The following NLGN1 variants were observed in gnomAD, a reference collection of about 807,000 sequenced individuals.
NLGN1 encodes neuroligin-1.
A neutral mutation model predicts 65.5 loss-of-function variants in NLGN1; 12 were observed. That is an observed-to-expected ratio of 0.18 (90% CI 0.12 to 0.30). The LOEUF is 0.30. NLGN1 is among the 10% of genes least tolerant of loss of function. NLGN1 has a pLI of 1.00. For synonymous variants in NLGN1, 350 were observed against 359.5 expected, an observed-to-expected ratio of 0.97 and a Z score of 0.30; for missense variants, 750 against 1,007.1, an observed-to-expected ratio of 0.74 and a Z score of 3.46.
At chr3:173,729,200 C>T (rs1278800994) in intron 3 of NLGN1, among the ~76,000 whole-genome samples, 1 of 152,090 alleles carries the variant, frequency 6.6e-6, no homozygotes, top group East Asian at 1.9e-4. Flanking sequence ...AGTTATCTCT[C>T]AGTCATTCCA....
chr3:174,054,938 TC>T (rs1269983673), intron 4 of NLGN1, among the ~76,000 whole-genome samples: 1 of 151,986 alleles, frequency 6.6e-6, no homozygotes, highest in African/African-American at 2.4e-5. Flanking sequence ...TTTTGGTTTC[TC>T]CTTCCTGTAA....
At chr3:173,445,337 G>T (rs1461000274) in intron 2 of NLGN1, among the ~76,000 whole-genome samples, 1 of 151,058 alleles carries the variant, frequency 6.6e-6, no homozygotes, top group Non-Finnish European at 1.5e-5. Flanking sequence ...CCTGTCAGTT[G>T]GTGTCTTTTG....
At chr3:173,568,944 C>T (rs576213490) in intron 2 of NLGN1, among the ~76,000 whole-genome samples, 2 of 152,284 alleles carry the variant, frequency 1.3e-5, no homozygotes, top group Non-Finnish European at 2.9e-5. Flanking sequence ...TCCCAAAGTG[C>T]TGGGATATAG....
chr3:173,423,877 GC>G (rs1042614921), intron 1 of NLGN1, among the ~76,000 whole-genome samples: 1 of 152,190 alleles, frequency 6.6e-6, no homozygotes, highest in African/African-American at 2.4e-5. Context: ...TGGGACTCCA[GC>G]CCCACATTTC....
intron 4 of NLGN1, among the ~76,000 whole-genome samples, chr3:174,241,391 C>A (rs1474293116): frequency 2.0e-5 from 3 of 151,252 alleles, no homozygotes; most frequent in African/African-American, 7.3e-5. Context: ...AATAGCTTTC[C>A]CACAGTAGAG....
At chr3:174,032,098 G>A (rs1325927549) in intron 4 of NLGN1, among the ~76,000 whole-genome samples, 1 of 152,096 alleles carries the variant, frequency 6.6e-6, no homozygotes, top group African/African-American at 2.4e-5. Context: ...TGAAAGGTAA[G>A]AGTAAAGAGT....
At chr3:173,476,776 A>G (rs967194972) in intron 2 of NLGN1, among the ~76,000 whole-genome samples, 2 of 152,204 alleles carry the variant, frequency 1.3e-5, no homozygotes, top group African/African-American at 4.8e-5. Flanking sequence ...GAACATTTAG[A>G]TAATAGATAA....
intron 3 of NLGN1, among the ~76,000 whole-genome samples, chr3:173,798,900 C>A (rs1008236311): frequency 6.6e-6 from 1 of 151,868 alleles, no homozygotes; most frequent in African/African-American, 2.4e-5. Flanking sequence ...TTATTTTTCC[C>A]CCTCTGTTTT....
At chr3:173,944,364 C>G (rs567004190) in intron 4 of NLGN1, among the ~76,000 whole-genome samples, 1 of 152,114 alleles carries the variant, frequency 6.6e-6, no homozygotes, top group South Asian at 2.1e-4. Context: ...CTCTCTGAAG[C>G]TTTGTTTACA....
At chr3:173,406,913 CCTT>C (rs1399112515) in intron 1 of NLGN1, among the ~76,000 whole-genome samples, 6 of 152,070 alleles carry the variant, frequency 3.9e-5, no homozygotes, top group Admixed American at 2.6e-4. Context: ...TGAAGAAAAT[CCTT>C]CTTTTTTATT....
chr3:174,151,222 A>G (rs2152704244), intron 4 of NLGN1, among the ~76,000 whole-genome samples: 1 of 152,182 alleles, frequency 6.6e-6, no homozygotes, highest in African/African-American at 2.4e-5. Flanking sequence ...TTAATTCCTC[A>G]CTTACCCTCA....
At chr3:173,875,541 A>G (rs181403495) in intron 4 of NLGN1, among the ~76,000 whole-genome samples, 1 of 152,360 alleles carries the variant, frequency 6.6e-6, no homozygotes, top group East Asian at 1.9e-4. Flanking sequence ...TAAAATAAAC[A>G]TAGTGAACAT....
chr3:173,764,677 G>T (rs1339548308), intron 3 of NLGN1, among the ~76,000 whole-genome samples: 2 of 152,096 alleles, frequency 1.3e-5, no homozygotes, highest in African/African-American at 4.8e-5. Flanking sequence ...GTAAGAATTT[G>T]TTGAAGGATT....
intron 4 of NLGN1, among the ~76,000 whole-genome samples, chr3:174,194,729 A>G (rs1733055767): frequency 6.6e-6 from 1 of 151,076 alleles, no homozygotes; most frequent in South Asian, 2.1e-4. Flanking sequence ...TACAGATATA[A>G]CATTATCTTT....
chr3:174,034,160 C>T (rs981703533), intron 4 of NLGN1, among the ~76,000 whole-genome samples: 1 of 151,996 alleles, frequency 6.6e-6, no homozygotes, highest in Admixed American at 6.6e-5. Context: ...TGGAGTGAAG[C>T]ATTTAGTGCT....
chr3:173,767,544 A>T (rs1401837035), intron 3 of NLGN1, among the ~76,000 whole-genome samples: 1 of 152,080 alleles, frequency 6.6e-6, no homozygotes, highest in African/African-American at 2.4e-5. Context: ...AATAACAGAG[A>T]ATTATCCAGA....
intron 3 of NLGN1, among the ~76,000 whole-genome samples, chr3:173,716,307 A>G (rs1014247259): frequency 1.3e-4 from 20 of 152,132 alleles, no homozygotes; most frequent in African/African-American, 4.8e-4. Flanking sequence ...TAGACAAATG[A>G]GTGCTTGTCA....
At chr3:173,539,908 A>G (rs1351895861) in intron 2 of NLGN1, among the ~76,000 whole-genome samples, 3 of 144,420 alleles carry the variant, frequency 2.1e-5, no homozygotes, top group South Asian at 2.1e-4. Flanking sequence ...TTATAAATGT[A>G]TATATAACAT....
intron 2 of NLGN1, among the ~76,000 whole-genome samples, chr3:173,445,361 T>G (rs1720068713): frequency 6.6e-6 from 1 of 152,134 alleles, no homozygotes; most frequent in African/African-American, 2.4e-5. Flanking sequence ...TATTTGGTAT[T>G]CTAGTAAAAT....
Sources: allele counts gnomAD v4.1 joint callset (sites outside exome capture counted in the v4.1 genomes callset), GRCh38; gene constraint gnomAD v4.1.1; transcripts MANE v1.5; gene names NCBI Gene and HGNC (gene_info 2026-07-23, HGNC 2026-07-21).